HOMER1: variants seen among roughly 807,000 people sequenced by gnomAD.
The protein encoded by HOMER1 is homer protein homolog 1.
A neutral mutation model predicts 48.9 loss-of-function variants in HOMER1; 3 were observed. The ratio of observed to expected loss-of-function variants is 0.06; its 90% CI spans 0.03 to 0.16. The LOEUF is 0.16. HOMER1 is among the 10% of genes least tolerant of loss of function. The probability of loss-of-function intolerance (pLI) is 1.00; values close to 1 mark genes in which losing one functional copy is unlikely to be tolerated. For missense variants in HOMER1, 247 were observed against 411.4 expected (o/e 0.60, Z 3.46); for synonymous variants, 134 against 146.4 (o/e 0.92, Z 0.61).
At chr5:79,437,283 T>C (rs1750611084) in intron 5 of HOMER1, among the ~76,000 whole-genome samples, 1 of 152,234 alleles carries the variant, frequency 6.6e-6, no homozygotes, top group South Asian at 2.1e-4. Flanking sequence ...AGAAATCAAG[T>C]ATATAATTAT....
rs1430383470 is a variant in HOMER1 at position 79,374,619 on chromosome 5, C to G, written c.*1390G>C. ...TCAAGCATACACTTTAAAAAAGAAC[C>G]CTCCTCAACATCACAGGCATTGTAC... is the stretch of plus-strand genomic sequence containing the variant. On this transcript the variant is annotated 3_prime_UTR_variant, in exon 9 of 9. Coordinates refer to ENST00000334082, the MANE Select transcript of HOMER1 (RefSeq NM_004272.5). The G allele has an allele frequency of 6.6e-6, 1 of 151,814 alleles. No homozygotes were observed. Among genetic ancestry groups the G allele is most frequent in the Non-Finnish European group, 1.5e-5 (1 of 67,834 alleles). The allele number at this position is 151,814 out of a possible 1,614,324, so 9.4% of individuals were successfully genotyped here.
chr5:79,486,975 T>C (rs1752122480), intron 1 of HOMER1, among the ~76,000 whole-genome samples: 1 of 152,134 alleles, frequency 6.6e-6, no homozygotes, highest in African/African-American at 2.4e-5. Flanking sequence ...CAAAATGTAA[T>C]AGTTCATTGA....
chr5:79,455,097 AC>A (rs1751134006), intron 2 of HOMER1, among the ~76,000 whole-genome samples: 1 of 143,508 alleles, frequency 7.0e-6, no homozygotes, highest in South Asian at 2.3e-4. Context: ...GCACCAATAC[AC>A]CTAGCTAATT....
intron 1 of HOMER1, among the ~76,000 whole-genome samples, chr5:79,465,320 G>C (rs1026344294): frequency 6.6e-6 from 1 of 151,900 alleles, no homozygotes; most frequent in African/African-American, 2.4e-5. Flanking sequence ...ATGGGTGACA[G>C]AGCAAGACCC....
At chr5:79,382,177 C>A (rs1395145920) in intron 8 of HOMER1, among the ~76,000 whole-genome samples, 1 of 151,874 alleles carries the variant, frequency 6.6e-6, no homozygotes, top group Non-Finnish European at 1.5e-5. Context: ...CATAAAGTGG[C>A]CATAAAATAT....
intron 5 of HOMER1, among the ~76,000 whole-genome samples, chr5:79,424,000 T>C (rs1350085001): frequency 6.6e-6 from 1 of 152,058 alleles, no homozygotes; most frequent in Non-Finnish European, 1.5e-5. Context: ...TATTTTCTCT[T>C]GAATTTTATT....
Position 79,442,236 on chromosome 5 carries a change from G to C in HOMER1, c.388-3087C>G, listed in dbSNP as rs946706860. Among the ~76,000 whole-genome samples the C allele has an allele frequency of 2.0e-5, 3 of 151,988 alleles. No homozygotes were observed. In the East Asian group the frequency reaches 5.8e-4, roughly 29 times the overall value. On this transcript the variant is annotated intron_variant, in intron 4 of 8. Transcript: ENST00000334082. ...AAGAACAAATCTGAGAGAGTATCAA[G>C]GAAATCAAAACTAACAGATGCAACC...
intron 1 of HOMER1, among the ~76,000 whole-genome samples, chr5:79,506,748 G>C (rs746949531): frequency 1.3e-5 from 2 of 151,960 alleles, no homozygotes; most frequent in African/African-American, 4.8e-5. Flanking sequence ...AAAGTAGGAG[G>C]ATTGCTTGAG....
At position 79,403,808 on chromosome 5, in the gene HOMER1, A is replaced by G. The variant is rs371123174; in HGVS notation, c.528-1753T>C. ...GTACAGTTTTTGTGATTTTTCTATAAGTCTAAAATTAGTTTAAAATGAAAA... is the reference window on the plus strand; with the variant it reads ...GTACAGTTTTTGTGATTTTTCTATAGGTCTAAAATTAGTTTAAAATGAAAA... On this transcript the variant is annotated intron_variant, in intron 5 of 8. Transcript: ENST00000334082. 4.6e-4 allele frequency among the ~76,000 whole-genome samples: 70 copies of G among 152,318 alleles called. No individual in the cohort carries two copies. The East Asian group carries it at 9.1e-3, about 20-fold the overall frequency.
chr5:79,422,827 C>CTTTTT (rs556704839), intron 5 of HOMER1, among the ~76,000 whole-genome samples: 7 of 121,582 alleles, frequency 5.8e-5, no homozygotes, highest in African/African-American at 1.2e-4. Flanking sequence ...AAGATGATCT[C>CTTTTT]TTTTTTTTTT....
intron 5 of HOMER1, among the ~76,000 whole-genome samples, chr5:79,404,612 C>T (rs2112224355): frequency 6.6e-6 from 1 of 152,276 alleles, no homozygotes; most frequent in South Asian, 2.1e-4. Flanking sequence ...TGGCTACTAC[C>T]CTGGACAGCA....
intron 1 of HOMER1, among the ~76,000 whole-genome samples, chr5:79,489,703 A>G (rs1752215510): frequency 6.6e-6 from 1 of 152,224 alleles, no homozygotes; most frequent in Admixed American, 6.5e-5. Context: ...TACATGAAAA[A>G]TCTACTTTAA....
rs971333503 is a variant in HOMER1, at chr5:79,374,092, T to C, written c.*1917A>G. The C allele has an allele frequency of 6.6e-6, 1 of 152,422 alleles. No homozygotes were observed. Among genetic ancestry groups the C allele is most frequent in the Non-Finnish European group, 1.5e-5 (1 of 67,862 alleles). 9.4% of individuals were successfully genotyped at this position (152,422 alleles called of 1,614,324 possible). The stretch of plus-strand genomic sequence containing the variant: ...TGATCCCTAGTGTTAAATCTCCTAT[T>C]TAAATTAAAACTTGGTGCTCTTTGT... On this transcript the variant is annotated 3_prime_UTR_variant, in exon 9 of 9. Transcript: ENST00000334082.
At chr5:79,499,452 A>G (rs376696495) in intron 1 of HOMER1, among the ~76,000 whole-genome samples, 3 of 152,216 alleles carry the variant, frequency 2.0e-5, no homozygotes, top group African/African-American at 7.2e-5. Context: ...TACTTACAAT[A>G]ATGTTTTATA....
chr5:79,482,126 G>A (rs1277998340), intron 1 of HOMER1, among the ~76,000 whole-genome samples: 1 of 151,958 alleles, frequency 6.6e-6, no homozygotes, highest in African/African-American at 2.4e-5. Flanking sequence ...AGGCTGAGGT[G>A]GGAGGACCAC....
At chr5:79,420,833 G>A (rs948165368) in intron 5 of HOMER1, among the ~76,000 whole-genome samples, 18 of 152,070 alleles carry the variant, frequency 1.2e-4, no homozygotes, top group African/African-American at 4.3e-4. Context: ...CTTTCACCTG[G>A]CACAAAGACA....
At chr5:79,421,597 C>T (rs1750100830) in intron 5 of HOMER1, among the ~76,000 whole-genome samples, 1 of 151,558 alleles carries the variant, frequency 6.6e-6, no homozygotes, top group Non-Finnish European at 1.5e-5. Context: ...CACACTAAAC[C>T]CTGTTATTTT....
chr5:79,386,885 G>C (rs1444827578), intron 8 of HOMER1, among the ~76,000 whole-genome samples: 1 of 151,810 alleles, frequency 6.6e-6, no homozygotes, highest in African/African-American at 2.4e-5. Flanking sequence ...ACCACCACTG[G>C]CACCAGATCA....
intron 1 of HOMER1, among the ~76,000 whole-genome samples, chr5:79,471,058 G>A (rs1461762986): frequency 6.6e-6 from 1 of 152,130 alleles, no homozygotes; most frequent in Non-Finnish European, 1.5e-5. Context: ...AGTGGGGTGG[G>A]GAGGCAGGAT....
Sources: gnomAD v4.1 joint callset for allele counts (sites outside exome capture counted in the v4.1 genomes callset) on GRCh38, gnomAD v4.1.1 for gene constraint, MANE v1.5 for transcripts, NCBI Gene and HGNC (gene_info 2026-07-23, HGNC 2026-07-21) for gene names.